Variants in TFCP2L1 observed in about 807,000 individuals in gnomAD.
TFCP2L1 encodes transcription factor CP2 like 1, also known as transcription factor CP2-like protein 1.
In TFCP2L1, 12 loss-of-function variants were observed where a neutral mutation model predicts 72.2. That is an observed-to-expected ratio of 0.17 (90% confidence interval 0.11 to 0.27). TFCP2L1 has a LOEUF of 0.27. TFCP2L1 is among the 10% of genes least tolerant of loss of function. The probability of loss-of-function intolerance (pLI) is 1.00; values close to 1 mark genes in which losing one functional copy is unlikely to be tolerated. For missense variants in TFCP2L1, 488 were observed against 624.6 expected (o/e 0.78, Z 2.33); for synonymous variants, 260 against 251.0 (o/e 1.04, Z -0.34).
chr2:121,273,658 T>C (rs1687089505), intron 2 of TFCP2L1, among the ~76,000 whole-genome samples: 1 of 152,210 alleles, frequency 6.6e-6, no homozygotes, highest in Non-Finnish European at 1.5e-5. Flanking sequence ...GATTTATGCC[T>C]ACAGCATCTT....
intron 2 of TFCP2L1, among the ~76,000 whole-genome samples, chr2:121,268,139 A>G (rs1164107632): frequency 6.6e-6 from 1 of 152,148 alleles, no homozygotes; most frequent in Non-Finnish European, 1.5e-5. Context: ...AACAATAACA[A>G]AACACACCCC....
chr2:121,225,684 C>A, intron 13 of TFCP2L1, 71 bp from the exon 14 acceptor site: 2 of 1,545,378 alleles, frequency 1.3e-6, no homozygotes, highest in Non-Finnish European at 1.8e-6. Context: ...GGTGGCAGAG[C>A]CTAGCCATGC....
At chr2:121,253,655 C>T (rs1413169723) in intron 2 of TFCP2L1, among the ~76,000 whole-genome samples, 1 of 152,206 alleles carries the variant, frequency 6.6e-6, no homozygotes, top group East Asian at 1.9e-4. Flanking sequence ...CAAGCACCTC[C>T]TGTCCTGTAG....
At chr2:121,240,349 GAA>G in intron 7 of TFCP2L1, 8 of 985,434 alleles carry the variant, frequency 8.1e-6, no homozygotes, top group Non-Finnish European at 9.6e-6. Context: ...GTCTGCTGGA[GAA>G]AGTCTATCCA....
chr2:121,278,007 T>C (rs1687179282), intron 2 of TFCP2L1, among the ~76,000 whole-genome samples: 1 of 150,802 alleles, frequency 6.6e-6, no homozygotes, highest in South Asian at 2.1e-4. Context: ...GATGAGACCA[T>C]AGAGGTAACT....
chr2:121,225,642 T>C (rs374569949), intron 13 of TFCP2L1, 29 bp from the exon 14 acceptor site: 53 of 1,613,126 alleles, frequency 3.3e-5, no homozygotes, highest in Non-Finnish European at 4.5e-5. Context: ...AACATGTTCC[T>C]TCAACCACGA....
rs1226776752 is a variant in TFCP2L1 at position 121,217,842 on chromosome 2, CA to C, written c.*6498del. On this transcript the variant is annotated 3_prime_UTR_variant, in exon 15 of 15. Coordinates refer to ENST00000263707, the MANE Select transcript of TFCP2L1 (RefSeq NM_014553.3). ...AGGAAGCAGGCGGCAAGAAGGAAAGCAAAGGGCTCTGCATTCCCACCACGAG... is the reference window on the plus strand; with the variant it reads ...AGGAAGCAGGCGGCAAGAAGGAAAGCAAGGGCTCTGCATTCCCACCACGAG... 1 of 152,372 alleles carries C rather than the reference CA, an allele frequency of 6.6e-6. No individual in the cohort carries two copies. Among genetic ancestry groups the C allele is most frequent in the Non-Finnish European group, 1.5e-5 (1 of 68,170 alleles). 9.4% of individuals were successfully genotyped at this position (152,372 alleles called of 1,614,324 possible). A position where few individuals can be genotyped will look rare whatever the true frequency, so the allele number is the denominator to read the frequency against.
chr2:121,225,588 G>A lies in TFCP2L1; in HGVS notation c.1367C>T (p.Ser456Phe), dbSNP rs1399193437. ...TTTAATTGTGCTGAGGACAAAACAG[G>A]ATTCATCTTGGAAGTTCTGCACCAT... ...NEMVQNFQDESCFVLSTIKAE... is the reference protein window; with the variant it reads ...NEMVQNFQDEFCFVLSTIKAE... Residue 456 changes from serine to phenylalanine, a missense_variant, in exon 14 of 15, where the codon TCC becomes TTC. Ser to Phe is a radical substitution (Grantham distance 155). This residue lies in a region of TFCP2L1 where 286 missense variants were observed against 329.0 expected (regional missense o/e 0.87). Transcript: ENST00000263707. 1 of 1,614,128 alleles carries A rather than the reference G, an allele frequency of 6.2e-7. No homozygotes were observed. Among genetic ancestry groups the A allele is most frequent in the Non-Finnish European group, 8.5e-7 (1 of 1,180,030 alleles).
At chr2:121,273,147 T>C (rs1687078427) in intron 2 of TFCP2L1, among the ~76,000 whole-genome samples, 1 of 152,182 alleles carries the variant, frequency 6.6e-6, no homozygotes, top group South Asian at 2.1e-4. Flanking sequence ...TTATGAAAAT[T>C]CATTACTATA....
At chr2:121,240,300 T>C (rs1209280946) in intron 7 of TFCP2L1, 1 of 985,288 alleles carries the variant, frequency 1.0e-6, no homozygotes, top group Middle Eastern at 5.2e-4. Context: ...CACAAATGCA[T>C]GTGGAGTCTC....
At chr2:121,240,220 G>A (rs1686340708) in intron 7 of TFCP2L1, 2 of 985,348 alleles carry the variant, frequency 2.0e-6, no homozygotes, top group Non-Finnish European at 2.4e-6. Flanking sequence ...TCTGCTGGGG[G>A]CTAAGGGAGA....
intron 8 of TFCP2L1, among the ~76,000 whole-genome samples, chr2:121,238,152 C>A (rs1311355004): frequency 6.6e-6 from 1 of 152,140 alleles, no homozygotes; most frequent in Non-Finnish European, 1.5e-5. Flanking sequence ...CTGGCTGACC[C>A]CTGCTGGTCT....
chr2:121,269,966 A>T (rs1042700365), intron 2 of TFCP2L1, among the ~76,000 whole-genome samples: 2 of 150,896 alleles, frequency 1.3e-5, no homozygotes, highest in African/African-American at 4.9e-5. Context: ...TTAAAAAGGA[A>T]TGAAATGAAT....
chr2:121,267,218 A>G (rs1233237590), intron 2 of TFCP2L1, among the ~76,000 whole-genome samples: 1 of 152,066 alleles, frequency 6.6e-6, no homozygotes, highest in Non-Finnish European at 1.5e-5. Context: ...GCACCTGGCC[A>G]CAATATTTAT....
In TFCP2L1 at chr2:121,248,156, T is replaced by C. The variant is rs1686527710; in HGVS notation, c.504+8A>G. 1 of 1,612,822 alleles carries C rather than the reference T, an allele frequency of 6.2e-7. No individual in the cohort carries two copies. Reference sequence around the variant, plus strand: ...CTTCCCCTGGAGGGCAAGCTCCCTGTGGCCCACCTGAATGAATGCAGAAGC... The same window carrying C: ...CTTCCCCTGGAGGGCAAGCTCCCTGCGGCCCACCTGAATGAATGCAGAAGC... On this transcript the variant is annotated splice_region_variant and intron_variant, in intron 5 of 14. Coordinates refer to ENST00000263707, the MANE Select transcript of TFCP2L1 (RefSeq NM_014553.3).
intron 8 of TFCP2L1, among the ~76,000 whole-genome samples, chr2:121,238,399 G>T (rs909866547): frequency 2.0e-5 from 3 of 152,176 alleles, no homozygotes; most frequent in Admixed American, 2.0e-4. Context: ...CCCGAGAGGG[G>T]GTGCACAAGC....
intron 6 of TFCP2L1, among the ~76,000 whole-genome samples, chr2:121,242,742 A>C (rs1301127055): frequency 1.3e-5 from 2 of 152,210 alleles, no homozygotes; most frequent in African/African-American, 4.8e-5. Flanking sequence ...ACCCACAAGG[A>C]ATCCCAGTGC....
At chr2:121,234,921 A>G (rs1203461477) in intron 11 of TFCP2L1, among the ~76,000 whole-genome samples, 1 of 152,230 alleles carries the variant, frequency 6.6e-6, no homozygotes, top group Non-Finnish European at 1.5e-5. Context: ...ATCTGAGAAC[A>G]TGGGCAAGTG....
chr2:121,279,064 C>T (rs1687204680), intron 2 of TFCP2L1, among the ~76,000 whole-genome samples: 2 of 151,982 alleles, frequency 1.3e-5, no homozygotes, highest in Admixed American at 6.6e-5. Context: ...ATGGCCTTAC[C>T]AACAGGAGCA....
Sources: gnomAD v4.1 joint callset for allele counts (sites outside exome capture counted in the v4.1 genomes callset) on GRCh38, gnomAD v4.1.1 for gene constraint, gnomAD v4.1.1 regional missense constraint, MANE v1.5 for transcripts, NCBI Gene and HGNC (gene_info 2026-07-23, HGNC 2026-07-21) for gene names.